The following C3 variants were observed in gnomAD, a reference collection of about 807,000 sequenced individuals.
C3 encodes the protein C3 and PZP-like alpha-2-macroglobulin domain-containing protein 1.
In C3, 97 loss-of-function variants were observed where a neutral mutation model predicts 207.9. That is an observed-to-expected ratio of 0.47 (90% confidence interval 0.40 to 0.55). C3 has a LOEUF of 0.55. Among genes scored for constraint, C3 ranks in the 20% least tolerant of loss-of-function variants. The probability of loss-of-function intolerance (pLI) is 0.00; values close to 1 mark genes in which losing one functional copy is unlikely to be tolerated. For synonymous variants in C3, 848 were observed against 857.6 expected (o/e 0.99, Z 0.20); for missense variants, 1,684 against 2,171.7 (o/e 0.78, Z 4.46).
At chr19:6,679,255 G>A (rs369121729) in intron 37 of C3, 47 bp from the exon 38 acceptor site, 13 of 1,553,004 alleles carry the variant, frequency 8.4e-6, no homozygotes, top group African/African-American at 6.8e-5. Context: ...TCCTTATCTG[G>A]GGCCTACTGC....
In C3 at chr19:6,697,446, A is replaced by G. The variant is rs755936126; in HGVS notation, c.2694T>C (p.Tyr898=). 1.9e-5 allele frequency: 31 copies of G among 1,613,518 alleles called. No homozygotes were observed. Residue 898 remains tyrosine, a synonymous_variant, in exon 21 of 41, where the codon TAT becomes TAC. Transcript: ENST00000245907. ...GGCCGGTCTTTAGCGGCACGATGAC[A>G]TATGGAACGGACAACGAGGACTTGG... ...IPPKSSLSVP[Y]VIVPLKTGLQ... is the part of the protein sequence containing the mutation.
In C3 at chr19:6,679,392, C is replaced by T; in HGVS notation, c.4546+15G>A. 1 of 1,600,366 alleles carries T rather than the reference C, an allele frequency of 6.2e-7. No individual in the cohort carries two copies. The highest frequency in any genetic ancestry group is 8.6e-7 in the Non-Finnish European group (1 of 1,167,288). ...CTTGCTCAGACCCACCTGTTCCCGG[C>T]TCCAGGGAACTCACCCTCAGCACAG... On this transcript the variant is annotated intron_variant, in intron 37 of 40. Coordinates refer to ENST00000245907, the MANE Select transcript of C3 (RefSeq NM_000064.4).
At chr19:6,701,990 A>C in intron 19 of C3, 137 bp downstream of exon 19, 1 of 694,784 alleles carries the variant, frequency 1.4e-6, no homozygotes, top group Non-Finnish European at 2.6e-6. Flanking sequence ...GTTCCTGGTA[A>C]CAACACCTCT....
chr19:6,691,032 T>C (rs1250182837), intron 26 of C3, among the ~76,000 whole-genome samples: 1 of 150,310 alleles, frequency 6.7e-6, no homozygotes, highest in Non-Finnish European at 1.5e-5. Context: ...ACATGGTCCA[T>C]CCAGCTCCTC....
intron 27 of C3, among the ~76,000 whole-genome samples, chr19:6,687,654 G>C (rs140218937): frequency 6.6e-6 from 1 of 152,274 alleles, no homozygotes; most frequent in Non-Finnish European, 1.5e-5. Context: ...GTTGGGAAGA[G>C]CTTTGCAGTA....
rs1967936901 is a variant in C3 at position 6,712,369 on chromosome 19, C to T, written c.1157G>A (p.Arg386Gln). 6.2e-6 allele frequency: 10 copies of T among 1,614,072 alleles called. No homozygotes were observed. Among genetic ancestry groups the T allele is most frequent in the African/African-American group, 5.3e-5 (4 of 75,022 alleles). ...CTCGCCCTGGACTGCCACGGGGACT[C>T]GGTAGGCTGGAGAGCCATCAGGGTT... ...VTNPDGSPAY[R>Q]VPVAVQGEDT... The change falls in exon 11 of 41, where the codon CGA (arginine) becomes CAA (glutamine). Residue 386 changes from arginine to glutamine, a missense_variant. Arg to Gln is a conservative substitution (Grantham distance 43, BLOSUM62 1). This residue lies in a region of C3 where 1,280 missense variants were observed against 1,739.1 expected (regional missense o/e 0.74). Transcript: ENST00000245907.
chr19:6,689,838 C>T (rs547847704), intron 27 of C3, among the ~76,000 whole-genome samples: 16 of 152,184 alleles, frequency 1.1e-4, no homozygotes, highest in South Asian at 8.3e-4. Context: ...AAAAATTAGC[C>T]GGGTATGGTG....
intron 11 of C3, among the ~76,000 whole-genome samples, chr19:6,711,535 C>T (rs536523906): frequency 6.6e-6 from 1 of 152,110 alleles, no homozygotes; most frequent in Non-Finnish European, 1.5e-5. Flanking sequence ...AGCAAGGGAG[C>T]GAACTTTCCC....
rs527781882 is a variant in C3 at position 6,688,143 on chromosome 19, C to CT, written c.3490-1242dup. ...ACAGGCGTGAGCCACCGCGCCTGGC[C>CT]TTTTTTTTGAGACGGAGTCTCGCTC... On this transcript the variant is annotated intron_variant, in intron 27 of 40. Transcript: ENST00000245907. Among the ~76,000 whole-genome samples, 443 of 134,254 alleles carry CT rather than the reference C, an allele frequency of 3.3e-3. 8 individuals carry two copies. The East Asian group carries it at 0.043, about 13-fold the overall frequency. 88.1% of individuals were successfully genotyped at this position (134,254 alleles called of 152,430 possible).
intron 19 of C3, among the ~76,000 whole-genome samples, chr19:6,700,070 A>G (rs917940566): frequency 6.8e-6 from 1 of 147,250 alleles, no homozygotes; most frequent in Admixed American, 6.8e-5. Context: ...AAATTATAAT[A>G]AATTATGGTT....
rs117726074 is a variant in C3, at chr19:6,718,741, A to T, written c.268-329T>A. Among the ~76,000 whole-genome samples, 182 of 146,668 alleles carry T rather than the reference A, an allele frequency of 1.2e-3. 1 individual carries two copies. The East Asian group carries it at 0.014, about 11-fold the overall frequency. On this transcript the variant is annotated intron_variant, in intron 2 of 40. Coordinates refer to ENST00000245907, the MANE Select transcript of C3 (RefSeq NM_000064.4). ...GGTGAGGGAACTTAGAAAGTGATGG[A>T]GACTAAGAGGGGAGGAGTTCAGAAG...
intron 7 of C3, 77 bp from the exon 8 acceptor site, chr19:6,713,586 C>T: frequency 8.5e-7 from 1 of 1,171,270 alleles, no homozygotes; most frequent in Non-Finnish European, 1.3e-6. Flanking sequence ...CCTGCCTGTG[C>T]TGAAGACTGG....
In C3 at chr19:6,719,195, G is replaced by C; in HGVS notation, c.267+16C>G. On this transcript the variant is annotated intron_variant, in intron 2 of 40. Coordinates refer to ENST00000245907, the MANE Select transcript of C3 (RefSeq NM_000064.4). The surrounding 1 kb of genome is among the most constrained non-coding windows in gnomAD (Gnocchi z 5.4). ...GCTGTGGGTGTCAGCCGGGTCCTGC[G>C]CCAGTCTGCACTCACCGTGAAGGTG... 1 of 1,612,266 alleles carries C rather than the reference G, an allele frequency of 6.2e-7. No homozygotes were observed.
intron 4 of C3, among the ~76,000 whole-genome samples, chr19:6,715,176 C>CA (rs533114301): frequency 3.2e-4 from 48 of 152,228 alleles, no homozygotes; most frequent in African/African-American, 1.1e-3. Flanking sequence ...GACCCCATCT[C>CA]AAAAAATAAT....
chr19:6,709,413 A>G (rs1283120929), intron 14 of C3, among the ~76,000 whole-genome samples: 1 of 151,992 alleles, frequency 6.6e-6, no homozygotes, highest in Non-Finnish European at 1.5e-5. Context: ...GTGCCACTGC[A>G]CTCCAGCCTG....
intron 23 of C3, among the ~76,000 whole-genome samples, chr19:6,696,025 C>T (rs1051021160): frequency 2.0e-5 from 3 of 151,384 alleles, no homozygotes; most frequent in East Asian, 2.0e-4. Flanking sequence ...CTGGCTAACA[C>T]GGTGAAACCC....
At chr19:6,714,505 G>A in intron 4 of C3, 59 bp from the exon 5 acceptor site, 1 of 1,184,134 alleles carries the variant, frequency 8.4e-7, no homozygotes, top group Non-Finnish European at 1.3e-6. Flanking sequence ...GCTGGGCTTA[G>A]CCTCTCAGCT....
Position 6,678,569 on chromosome 19 carries a change from A to ACT in C3, c.4631-115_4631-114insAG, listed in dbSNP as rs1917781687. On this transcript the variant is annotated intron_variant, in intron 38 of 40. Coordinates refer to ENST00000245907, the MANE Select transcript of C3 (RefSeq NM_000064.4). ...CTCTCTCCCAAGCAGAAAGTTGCAG[A>ACT]ATCACAGCCAGTCACACTATGGCCC... 31 of 809,714 alleles carry ACT rather than the reference A, an allele frequency of 3.8e-5. No individual in the cohort carries two copies. The South Asian group carries it at 4.6e-4, about 12-fold the overall frequency. 50.2% of individuals were successfully genotyped at this position (809,714 alleles called of 1,614,324 possible). A position where few individuals can be genotyped will look rare whatever the true frequency, so the allele number is the denominator to read the frequency against.
chr19:6,712,282 G>C lies in C3; in HGVS notation c.1244C>G (p.Pro415Arg). ...GVAKLSINTH[P>R]SQKPLSITVR... ...CGTGATGCTCAAGGGCTTCTGGCTG[G>C]GGTGTGTGTTGATGCTGAGTTTGGC... The change falls in exon 11 of 41, where the codon CCC (proline) becomes CGC (arginine). Residue 415 changes from proline (P) to arginine (R), a missense_variant. Around this residue, in one of 3 missense-constraint regions of C3, gnomAD observed 1,280 missense variants for 1,739.1 expected, o/e 0.74. Transcript: ENST00000245907. 1 of 1,614,032 alleles carries C rather than the reference G, an allele frequency of 6.2e-7. No homozygotes were observed. The highest frequency in any genetic ancestry group is 1.3e-5 in the African/African-American group (1 of 75,058).
Sources: gnomAD v4.1 joint callset for allele counts (sites outside exome capture counted in the v4.1 genomes callset) on GRCh38, gnomAD v4.1.1 for gene constraint, gnomAD v4.1.1 regional missense constraint, Gnocchi (gnomAD v3.1) non-coding constraint, MANE v1.5 for transcripts, NCBI Gene and HGNC (gene_info 2026-07-23, HGNC 2026-07-21) for gene names.